Variants in OR3A2 observed in about 807,000 individuals in gnomAD.
OR3A2 encodes the protein olfactory receptor 3A2.
For synonymous variants in OR3A2, 126 were observed against 159.3 expected, an observed-to-expected ratio of 0.79 and a Z score of 1.57; for missense variants, 318 against 392.8, an observed-to-expected ratio of 0.81 and a Z score of 1.61.
intron 3 of OR3A2, among the ~76,000 whole-genome samples, chr17:3,334,682 A>C (rs189216577): frequency 1.3e-5 from 2 of 152,298 alleles, no homozygotes; most frequent in East Asian, 3.9e-4. Context: ...AACTGGGTTA[A>C]ATTTATAGAT....
At chr17:3,385,610 G>T (rs1183621198) in intron 1 of OR3A2, among the ~76,000 whole-genome samples, 2 of 152,098 alleles carry the variant, frequency 1.3e-5, no homozygotes, top group Non-Finnish European at 2.9e-5. Flanking sequence ...CATTAAAGAA[G>T]AAGAAACTGA....
At chr17:3,318,914 T>A (rs1185128396) in intron 3 of OR3A2, among the ~76,000 whole-genome samples, 1 of 152,176 alleles carries the variant, frequency 6.6e-6, no homozygotes, top group African/African-American at 2.4e-5. Context: ...TACAATGTGA[T>A]CAGTGAATCT....
chr17:3,277,694 A>C, exon 2 of OR3A2: 1 of 364,866 alleles, frequency 2.7e-6, no homozygotes. Flanking sequence ...TACTTTGTCT[A>C]CTTTTATAGC....
At chr17:3,381,202 T>G (rs1315375247) in intron 2 of OR3A2, among the ~76,000 whole-genome samples, 1 of 152,098 alleles carries the variant, frequency 6.6e-6, no homozygotes, top group African/African-American at 2.4e-5. Context: ...TCCGTGTGTG[T>G]CTGTGTGCAA....
intron 2 of OR3A2, among the ~76,000 whole-genome samples, chr17:3,341,546 A>AT (rs2049319025): frequency 6.6e-6 from 1 of 152,178 alleles, no homozygotes; most frequent in Non-Finnish European, 1.5e-5. Flanking sequence ...TAGATATGAA[A>AT]TTCTGGGTTG....
intron 3 of OR3A2, among the ~76,000 whole-genome samples, chr17:3,324,187 G>T (rs545069886): frequency 6.6e-6 from 1 of 151,902 alleles, no homozygotes; most frequent in African/African-American, 2.4e-5. Context: ...CGTAGTTCTC[G>T]TGCCTTGGTT....
chr17:3,331,882 G>T (rs1306145789), intron 3 of OR3A2, among the ~76,000 whole-genome samples: 1 of 150,940 alleles, frequency 6.6e-6, no homozygotes, highest in African/African-American at 2.5e-5. Context: ...GTGATGTACA[G>T]ATGGGTTTTT....
At chr17:3,371,576 C>A (rs2150664587) in intron 2 of OR3A2, among the ~76,000 whole-genome samples, 1 of 140,626 alleles carries the variant, frequency 7.1e-6, no homozygotes, top group South Asian at 2.3e-4. Context: ...GGGCTGATTC[C>A]CCCACCTCCC....
rs1282872390 is a variant in OR3A2, at chr17:3,346,170, C to T, written c.-178-10044G>A. On this transcript the variant is annotated intron_variant, in intron 2 of 4. Transcript: ENST00000573491. ...TAACATAATGTCCTCCATGTGCATC[C>T]ATGTTGTCACAAATGACAGGACTTC... Among the ~76,000 whole-genome samples, 4 of 152,312 alleles carry T rather than the reference C, an allele frequency of 2.6e-5. No homozygotes were observed. The East Asian group carries it at 5.8e-4, about 22-fold the overall frequency.
Position 3,279,279 on chromosome 17 carries a change from T to C in OR3A2, c.-6-356A>G, listed in dbSNP as rs535460228. 30 of 316,870 alleles carry C rather than the reference T, an allele frequency of 9.5e-5. No homozygotes were observed. In the East Asian group the frequency reaches 1.8e-3, roughly 19 times the overall value. The allele number at this position is 316,870 out of a possible 1,614,324, so 19.6% of individuals were successfully genotyped here. A position where few individuals can be genotyped will look rare whatever the true frequency, so the allele number is the denominator to read the frequency against. ...TATGTGAGATGATGAATATGTTAAT[T>C]TGTTTCACTATAGTAACCATTTTAC... On this transcript the variant is annotated intron_variant, in intron 1 of 1. Coordinates refer to ENST00000642052, the Ensembl canonical transcript of OR3A2.
intron 3 of OR3A2, among the ~76,000 whole-genome samples, chr17:3,333,923 C>G (rs1161534300): frequency 7.9e-5 from 12 of 152,104 alleles, no homozygotes; most frequent in Admixed American, 7.9e-4. Context: ...AAACAACCAA[C>G]CCCATCAAAA....
intron 2 of OR3A2, among the ~76,000 whole-genome samples, chr17:3,345,098 G>A (rs974312107): frequency 6.6e-6 from 1 of 152,208 alleles, no homozygotes; most frequent in African/African-American, 2.4e-5. Context: ...GACAGGTGGA[G>A]AGGTGGATCT....
chr17:3,335,934 G>C (rs1338465506), intron 3 of OR3A2, 95 bp downstream of exon 2: 1 of 152,178 alleles, frequency 6.6e-6, no homozygotes, highest in African/African-American at 2.4e-5. Flanking sequence ...AACTGACAAG[G>C]TGCCAACACA....
chr17:3,280,100 G>T (rs979686455), intron 1 of OR3A2, among the ~76,000 whole-genome samples: 1 of 152,066 alleles, frequency 6.6e-6, no homozygotes, highest in African/African-American at 2.4e-5. Flanking sequence ...CCAAAGTTGT[G>T]GTCATAGCCT....
chr17:3,350,021 A>G (rs1217565093), intron 2 of OR3A2, among the ~76,000 whole-genome samples: 67 of 146,744 alleles, frequency 4.6e-4, no homozygotes, highest in Admixed American at 2.2e-3. Context: ...TCTCTGGGAC[A>G]CATTCAAAGC....
upstream of OR3A2, among the ~76,000 whole-genome samples, chr17:3,287,818 T>C (rs1374032078): frequency 6.6e-6 from 1 of 151,860 alleles, no homozygotes; most frequent in African/African-American, 2.4e-5. Context: ...TTTATGTTTT[T>C]CTATTATATA....
At chr17:3,300,009 G>A (rs2048949598) in intron 3 of OR3A2, among the ~76,000 whole-genome samples, 1 of 151,776 alleles carries the variant, frequency 6.6e-6, no homozygotes, top group Non-Finnish European at 1.5e-5. Context: ...ACTTTGCAGA[G>A]GAGGAATTTG....
chr17:3,283,416 G>C (rs1364640962), intron 1 of OR3A2, among the ~76,000 whole-genome samples: 2 of 152,098 alleles, frequency 1.3e-5, no homozygotes, highest in Non-Finnish European at 2.9e-5. Flanking sequence ...GTAGAGACAG[G>C]GTTTCTCCAT....
At chr17:3,377,482 G>C (rs1171028193) in intron 2 of OR3A2, 1 of 152,126 alleles carries the variant, frequency 6.6e-6, no homozygotes, top group Non-Finnish European at 1.5e-5. Flanking sequence ...ACCTCACTGA[G>C]ACTGTAAGTG....
Sources: allele counts gnomAD v4.1 joint callset (sites outside exome capture counted in the v4.1 genomes callset), GRCh38; gene constraint gnomAD v4.1.1; transcripts MANE v1.5; gene names NCBI Gene and HGNC (gene_info 2026-07-23, HGNC 2026-07-21).